TRIM44: variants seen among roughly 807,000 people sequenced by gnomAD.
The protein encoded by TRIM44 is tripartite motif containing 44, also known as tripartite motif-containing protein 44.
A neutral mutation model predicts 37.4 loss-of-function variants in TRIM44; 13 were observed. That is an observed-to-expected ratio of 0.35 (90% CI 0.23 to 0.55). The LOEUF (loss-of-function observed/expected upper bound fraction) is 0.55, where lower values mean the gene tolerates loss of function less well. TRIM44 is among the 20% of genes least tolerant of loss of function. The probability of loss-of-function intolerance (pLI) is 0.89; values close to 1 mark genes in which losing one functional copy is unlikely to be tolerated. For missense variants in TRIM44, 426 were observed against 437.2 expected (o/e 0.97, Z 0.23); for synonymous variants, 175 against 157.2 (o/e 1.11, Z -0.85).
chr11:35,754,432 T>G (rs776420403), intron 4 of TRIM44, among the ~76,000 whole-genome samples: 13 of 152,190 alleles, frequency 8.5e-5, no homozygotes, highest in Non-Finnish European at 1.8e-4. Context: ...CCTCCTACCT[T>G]TCTTTCAAGG....
chr11:35,780,684 T>C (rs1313733314), intron 4 of TRIM44, among the ~76,000 whole-genome samples: 2 of 152,194 alleles, frequency 1.3e-5, no homozygotes, highest in East Asian at 1.9e-4. Context: ...ATCAGGACTC[T>C]TTCTACAATT....
chr11:35,737,918 A>G (rs1220003304), intron 4 of TRIM44, among the ~76,000 whole-genome samples: 1 of 152,168 alleles, frequency 6.6e-6, no homozygotes, highest in Non-Finnish European at 1.5e-5. Flanking sequence ...GCCTAAATCA[A>G]TATCTTCTAG....
chr11:35,700,004 C>T (rs1167913019), intron 2 of TRIM44, among the ~76,000 whole-genome samples: 3 of 152,080 alleles, frequency 2.0e-5, no homozygotes, highest in East Asian at 1.9e-4. Context: ...GAATCAATAT[C>T]GTGAAAATGG....
intron 2 of TRIM44, among the ~76,000 whole-genome samples, chr11:35,690,135 G>T (rs1851623898): frequency 6.6e-6 from 1 of 151,416 alleles, no homozygotes; most frequent in African/African-American, 2.4e-5. Flanking sequence ...TGAAACAGCA[G>T]TTTTTTTTTC....
intron 4 of TRIM44, among the ~76,000 whole-genome samples, chr11:35,804,501 A>G (rs1054405994): frequency 6.6e-6 from 1 of 152,220 alleles, no homozygotes; most frequent in African/African-American, 2.4e-5. Flanking sequence ...TAAGAATGCT[A>G]AAAAGTGAAC....
At chr11:35,788,985 T>TA in intron 4 of TRIM44, among the ~76,000 whole-genome samples, 2 of 152,376 alleles carry the variant, frequency 1.3e-5, no homozygotes, top group East Asian at 3.9e-4. Flanking sequence ...CCTGAGGCCC[T>TA]AAAAATAGTT....
At chr11:35,668,616 A>G (rs1349224387) in intron 1 of TRIM44, among the ~76,000 whole-genome samples, 1 of 152,220 alleles carries the variant, frequency 6.6e-6, no homozygotes, top group Admixed American at 6.5e-5. Context: ...TCTATCACTG[A>G]TGGGCATTTA....
At chr11:35,718,358 A>G (rs1035338495) in intron 2 of TRIM44, among the ~76,000 whole-genome samples, 5 of 152,198 alleles carry the variant, frequency 3.3e-5, no homozygotes, top group Admixed American at 3.3e-4. Flanking sequence ...AGGTTGGTGT[A>G]AAAGTAATTG....
At chr11:35,803,889 G>T (rs1211113466) in intron 4 of TRIM44, among the ~76,000 whole-genome samples, 6 of 151,046 alleles carry the variant, frequency 4.0e-5, no homozygotes, top group African/African-American at 1.5e-4. Context: ...AAAGCTCTGT[G>T]TTATAGATTC....
intron 4 of TRIM44, among the ~76,000 whole-genome samples, chr11:35,799,320 G>A (rs1188252367): frequency 1.3e-5 from 2 of 152,212 alleles, no homozygotes; most frequent in African/African-American, 4.8e-5. Flanking sequence ...TGTGGTCAGA[G>A]TGTGGGCCTG....
intron 4 of TRIM44, among the ~76,000 whole-genome samples, chr11:35,795,693 C>G (rs529534365): frequency 5.9e-5 from 9 of 151,584 alleles, no homozygotes; most frequent in African/African-American, 1.5e-4. Flanking sequence ...TAACTCTTCC[C>G]GTTTTTTTTT....
intron 2 of TRIM44, among the ~76,000 whole-genome samples, chr11:35,701,018 A>ATT (rs930179427): frequency 6.6e-6 from 1 of 151,768 alleles, no homozygotes; most frequent in Non-Finnish European, 1.5e-5. Flanking sequence ...CCAGTTTTGA[A>ATT]TTTTTTTTTA....
At position 35,743,710 on chromosome 11, in the gene TRIM44, T is replaced by C. The variant is rs557179800; in HGVS notation, c.1007+8265T>C. On this transcript the variant is annotated intron_variant, in intron 4 of 4. Coordinates refer to ENST00000299413, the MANE Select transcript of TRIM44 (RefSeq NM_017583.6). The stretch of plus-strand genomic sequence containing the variant: ...TATTCTATTCCATCATTATCATCAC[T>C]AATGTTTGTGACCCACTAAAATGAT... Among the ~76,000 whole-genome samples, 5 of 152,314 alleles carry C rather than the reference T, an allele frequency of 3.3e-5. No homozygotes were observed. The East Asian group carries it at 9.6e-4, about 29-fold the overall frequency.
intron 2 of TRIM44, among the ~76,000 whole-genome samples, chr11:35,705,154 A>T (rs541356329): frequency 3.1e-4 from 46 of 150,090 alleles, no homozygotes; most frequent in African/African-American, 1.1e-3. Context: ...AAAGATCAAA[A>T]GAGACAAAGA....
Position 35,812,050 on chromosome 11 carries a change from A to G in TRIM44, c.*5665A>G, listed in dbSNP as rs890408847. Reference sequence around the variant, plus strand: ...GTCTTCAGTGTTTTAACAAACCACAATGTGTTTGGAGGTTTTCTTCCCTGC... The same window carrying G: ...GTCTTCAGTGTTTTAACAAACCACAGTGTGTTTGGAGGTTTTCTTCCCTGC... On this transcript the variant is annotated 3_prime_UTR_variant, in exon 5 of 5. Transcript: ENST00000299413. 2 of 152,130 alleles carry G rather than the reference A, an allele frequency of 1.3e-5. No homozygotes were observed. Among genetic ancestry groups the G allele is most frequent in the South Asian group, 2.1e-4 (1 of 4,822 alleles). 9.4% of individuals were successfully genotyped at this position (152,130 alleles called of 1,614,324 possible).
rs1306061015 is a variant in TRIM44, at chr11:35,811,914, G to C, written c.*5529G>C. 2.0e-5 allele frequency: 3 copies of C among 152,222 alleles called. No homozygotes were observed. The highest frequency in any genetic ancestry group is 6.5e-5 in the Admixed American group (1 of 15,280). 9.4% of individuals were successfully genotyped at this position (152,222 alleles called of 1,614,324 possible). ...AGCCAGGCTGGTAAAGCCCAGGACA[G>C]CAGACTCTCTGTCTCCGAGAGCAAT... On this transcript the variant is annotated 3_prime_UTR_variant, in exon 5 of 5. Transcript: ENST00000299413.
At chr11:35,784,082 C>T (rs1853098563) in intron 4 of TRIM44, among the ~76,000 whole-genome samples, 1 of 152,184 alleles carries the variant, frequency 6.6e-6, no homozygotes, top group African/African-American at 2.4e-5. Flanking sequence ...ATTATGTGAA[C>T]TCACCTTTAT....
At chr11:35,736,321 C>A (rs1205816168) in intron 4 of TRIM44, among the ~76,000 whole-genome samples, 2 of 152,156 alleles carry the variant, frequency 1.3e-5, no homozygotes, top group African/African-American at 4.8e-5. Flanking sequence ...AAAGTTGGGG[C>A]AGCATTCATT....
At chr11:35,675,048 A>T (rs1241072233) in intron 1 of TRIM44, among the ~76,000 whole-genome samples, 1 of 152,188 alleles carries the variant, frequency 6.6e-6, no homozygotes, top group Non-Finnish European at 1.5e-5. Context: ...AATACTGTGT[A>T]CTATGTCATG....
Sources: gnomAD v4.1 joint callset for allele counts (sites outside exome capture counted in the v4.1 genomes callset) on GRCh38, gnomAD v4.1.1 for gene constraint, MANE v1.5 for transcripts, NCBI Gene and HGNC (gene_info 2026-07-23, HGNC 2026-07-21) for gene names.